Variants in CAST observed in about 807,000 individuals in gnomAD.
The protein encoded by CAST is calpastatin.
CAST carries 76 observed loss-of-function variants against 119.6 expected under a neutral mutation model. The observed-to-expected ratio is 0.64, with a 90% CI of 0.53 to 0.77. CAST has a LOEUF of 0.77. CAST is among the 30% of genes least tolerant of loss of function. CAST has a pLI of 0.00. For missense variants in CAST, 953 were observed against 946.5 expected, an observed-to-expected ratio of 1.01 and a Z score of -0.09; for synonymous variants, 319 against 331.6, an observed-to-expected ratio of 0.96 and a Z score of 0.41.
chr5:96,493,842 C>A, the CAST span, among the ~76,000 whole-genome samples: 1 of 152,086 alleles, frequency 6.6e-6, no homozygotes, highest in Non-Finnish European at 1.5e-5. Flanking sequence ...CGAGACCAGG[C>A]TGGCCAATAT....
the CAST span, among the ~76,000 whole-genome samples, chr5:96,192,344 A>G: frequency 2.0e-5 from 3 of 152,244 alleles, no homozygotes; most frequent in African/African-American, 7.2e-5. Context: ...GACAACATGG[A>G]AAGATTAATG....
Position 96,741,376 on chromosome 5 carries a change from G to T in CAST, c.1011+18G>T. The T allele has an allele frequency of 1.9e-6, 3 of 1,566,580 alleles. No individual in the cohort carries two copies. The highest frequency in any genetic ancestry group is 2.6e-6 in the Non-Finnish European group (3 of 1,137,166). ...AAAAAGAGGTATTGTTTTTAGTGTT[G>T]TTAAGGGAAACTTGTTAGGAACTAT... On this transcript the variant is annotated intron_variant, in intron 14 of 31. Transcript: ENST00000675179.
the CAST span, among the ~76,000 whole-genome samples, chr5:96,306,276 T>C: frequency 6.6e-6 from 1 of 152,100 alleles, no homozygotes; most frequent in Non-Finnish European, 1.5e-5. Flanking sequence ...TTGTATTTCT[T>C]TGGGATCAGT....
the CAST span, among the ~76,000 whole-genome samples, chr5:96,124,402 G>A: frequency 2.8e-4 from 42 of 152,178 alleles, no homozygotes; most frequent in Admixed American, 8.5e-4. Context: ...TATTAAGACA[G>A]TTGAATTCTA....
At chr5:96,735,718 G>A (rs937335841) in intron 9 of CAST, among the ~76,000 whole-genome samples, 41 of 152,188 alleles carry the variant, frequency 2.7e-4, no homozygotes, top group African/African-American at 2.4e-4. Flanking sequence ...AATGATGAGC[G>A]ATCAACTCAT....
chr5:96,283,056 G>A, the CAST span, among the ~76,000 whole-genome samples: 3 of 148,638 alleles, frequency 2.0e-5, no homozygotes, highest in Non-Finnish European at 4.4e-5. Context: ...CGTGAACCCG[G>A]GAGGCGGAGC....
chr5:96,448,834 T>C, the CAST span, among the ~76,000 whole-genome samples: 2 of 152,230 alleles, frequency 1.3e-5, no homozygotes, highest in Non-Finnish European at 1.5e-5. Context: ...CTGGATCATA[T>C]GCCATTTAAA....
chr5:96,667,953 T>G (rs1031776293), intron 1 of CAST, among the ~76,000 whole-genome samples: 2 of 152,158 alleles, frequency 1.3e-5, no homozygotes, highest in Non-Finnish European at 2.9e-5. Flanking sequence ...AGGCGGAGCT[T>G]GCAGTAAGCC....
the CAST span, among the ~76,000 whole-genome samples, chr5:96,252,177 T>C: frequency 2.6e-5 from 4 of 152,084 alleles, no homozygotes; most frequent in East Asian, 7.7e-4. Flanking sequence ...AAAAATATGA[T>C]CCAAAATACA....
chr5:96,160,226 C>T, the CAST span, among the ~76,000 whole-genome samples: 10 of 152,126 alleles, frequency 6.6e-5, no homozygotes, highest in Middle Eastern at 6.8e-3. Flanking sequence ...AACATCTCAC[C>T]GCCCAAAAAT....
intron 1 of CAST, among the ~76,000 whole-genome samples, chr5:96,639,548 G>A (rs970442220): frequency 6.6e-6 from 1 of 152,176 alleles, no homozygotes; most frequent in Non-Finnish European, 1.5e-5. Context: ...AGTCCAGAGG[G>A]GAAGAAGTCA....
chr5:96,627,657 A>G (rs1228112952), intron 1 of CAST, among the ~76,000 whole-genome samples: 1 of 152,208 alleles, frequency 6.6e-6, no homozygotes, highest in Non-Finnish European at 1.5e-5. Context: ...CTGTTTACGG[A>G]AAGAAAGGTT....
chr5:96,611,854 A>G (rs1747369800), intron 1 of CAST, among the ~76,000 whole-genome samples: 1 of 152,026 alleles, frequency 6.6e-6, no homozygotes, highest in African/African-American at 2.4e-5. Context: ...GCTCGACAAC[A>G]CTAATAATCA....
Position 96,754,758 on chromosome 5 carries a change from C to T in CAST, c.1710+17C>T, listed in dbSNP as rs558350186. 11 of 1,427,566 alleles carry T rather than the reference C, an allele frequency of 7.7e-6. No homozygotes were observed. In the African/African-American group the frequency reaches 1.3e-4, roughly 17 times the overall value. 88.4% of individuals were successfully genotyped at this position (1,427,566 alleles called of 1,614,324 possible). On this transcript the variant is annotated intron_variant, in intron 22 of 31. Coordinates refer to ENST00000675179, the MANE Select transcript of CAST (RefSeq NM_001750.7). ...GAGGTCAAGGTAAACAGGCTGGAGT[C>T]TTTTTCTATTTTATTTTAATTCATA... is the stretch of plus-strand genomic sequence containing the variant.
the CAST span, among the ~76,000 whole-genome samples, chr5:95,971,604 G>C: frequency 6.6e-6 from 1 of 152,154 alleles, no homozygotes; most frequent in African/African-American, 2.4e-5. Flanking sequence ...TTTGTAGTCA[G>C]ATCTTCCTGC....
intron 1 of CAST, among the ~76,000 whole-genome samples, chr5:96,631,604 G>A (rs1277820350): frequency 3.0e-5 from 4 of 131,778 alleles, no homozygotes; most frequent in African/African-American, 8.1e-5. Flanking sequence ...TTTTTGAGAC[G>A]GAGTCTTGCT....
chr5:95,973,584 A>G, the CAST span: 1 of 152,106 alleles, frequency 6.6e-6, no homozygotes. Context: ...TAAAAAGACA[A>G]TCGTTTTTTT....
chr5:96,527,659 TA>T (rs1477556838), upstream of CAST, among the ~76,000 whole-genome samples: 1 of 152,174 alleles, frequency 6.6e-6, no homozygotes, highest in East Asian at 1.9e-4. Flanking sequence ...ATAGCAACAA[TA>T]ATAATGCCAC....
In CAST at chr5:96,748,521, C is replaced by T. The variant is rs779070091; in HGVS notation, c.1336C>T (p.Arg446Trp). 7.3e-6 allele frequency: 11 copies of T among 1,514,776 alleles called. No individual in the cohort carries two copies. Among genetic ancestry groups the T allele is most frequent in the East Asian group, 2.3e-5 (1 of 44,380 alleles). 93.8% of individuals were successfully genotyped at this position (1,514,776 alleles called of 1,614,324 possible). ...LPEPEEKPKP[R>W]SESELIDELS... is the part of the protein sequence containing the mutation. ...TACAGCACTTCTTATATTACAGCCT[C>T]GGAGTGAATCAGAACTCATTGATGA... is the stretch of plus-strand genomic sequence containing the variant. The change falls in exon 19 of 32, where the codon CGG becomes TGG. Residue 446 changes from arginine (R) to tryptophan (W), a missense_variant. Transcript: ENST00000675179.
Sources: allele counts gnomAD v4.1 joint callset (sites outside exome capture counted in the v4.1 genomes callset), GRCh38; gene constraint gnomAD v4.1.1; transcripts MANE v1.5; gene names NCBI Gene and HGNC (gene_info 2026-07-23, HGNC 2026-07-21).